Variants in LIPE observed in about 807,000 individuals in gnomAD.
LIPE encodes the protein hormone-sensitive lipase.
A neutral mutation model predicts 88.5 loss-of-function variants in LIPE; 66 were observed. That is an observed-to-expected ratio of 0.75 (90% CI 0.61 to 0.91). The LOEUF is 0.91. LIPE is among the 40% of genes least tolerant of loss of function. The pLI is 0.00. For synonymous variants in LIPE, 570 were observed against 617.5 expected (o/e 0.92, Z 1.14); for missense variants, 1,346 against 1,434.7 (o/e 0.94, Z 1.00).
In LIPE at chr19:42,410,534, G is replaced by T; in HGVS notation, c.1192C>A (p.Arg398Ser). 3.7e-6 allele frequency: 6 copies of T among 1,612,710 alleles called. No homozygotes were observed. Among genetic ancestry groups the T allele is most frequent in the Non-Finnish European group, 5.1e-6 (6 of 1,179,958 alleles). Residue 398 changes from arginine (R) to serine (S), a missense_variant, in exon 2 of 10, where the codon CGC becomes AGC. Coordinates refer to ENST00000244289, the MANE Select transcript of LIPE (RefSeq NM_005357.4). The surrounding 1 kb of genome is among the most constrained non-coding windows in gnomAD (Gnocchi z 6.1). ...CTGGTGCGGAAGAAGATGCTGCGGC[G>T]GTTGGAGGCCACATAGCGGGATTTG... is the stretch of plus-strand genomic sequence containing the variant. ...LHKSRYVASN[R>S]RSIFFRTSHN...
At chr19:42,409,455 C>T (rs1037637315) in intron 2 of LIPE, among the ~76,000 whole-genome samples, 5 of 151,346 alleles carry the variant, frequency 3.3e-5, no homozygotes, top group Non-Finnish European at 7.4e-5. Flanking sequence ...GGAAATGGAG[C>T]CATAGGAGGC....
At chr19:42,409,400 C>CAAAAAAAAAAAAAAAAAAAAA (rs760628566) in intron 2 of LIPE, among the ~76,000 whole-genome samples, 1 of 72,922 alleles carries the variant, frequency 1.4e-5, no homozygotes, top group Non-Finnish European at 2.9e-5. Context: ...AAACAAAATA[C>CAAAAAAAAAAAAAAAAAAAAA]AAAAAAAAAA....
chr19:42,401,634 C>A lies in LIPE; in HGVS notation c.*178G>T. On this transcript the variant is annotated 3_prime_UTR_variant, in exon 10 of 10. Transcript: ENST00000244289. ...GGCAGCGGTGGCGTGCAGGTCCAGCCGTCTCGGTGACCGGTGTGTGTGCGC... is the reference window on the plus strand; with the variant it reads ...GGCAGCGGTGGCGTGCAGGTCCAGCAGTCTCGGTGACCGGTGTGTGTGCGC... 1.8e-6 allele frequency: 1 copy of A among 566,110 alleles called. No individual in the cohort carries two copies. The highest frequency in any genetic ancestry group is 3.0e-6 in the Non-Finnish European group (1 of 334,478). The allele number at this position is 566,110 out of a possible 1,614,324, so 35.1% of individuals were successfully genotyped here.
chr19:42,410,838 T>C lies in LIPE; in HGVS notation c.888A>G (p.Ser296=). ...RNHRHYQDTA[S]RLIHNMDLRT... is the part of the protein sequence containing the mutation. ...GCAGGTCCATGTTGTGGATGAGCCT[T>C]GAGGCTGTGGGCAGGTGGGGAGGCC... is the stretch of plus-strand genomic sequence containing the variant. The change falls in exon 2 of 10, where the codon TCA becomes TCG. Residue 296 remains serine, a synonymous_variant. Coordinates refer to ENST00000244289, the MANE Select transcript of LIPE (RefSeq NM_005357.4). This position sits in a 1 kb window ranked among gnomAD's most constrained non-coding sequence, Gnocchi z 6.1. The C allele has an allele frequency of 6.5e-7, 1 of 1,550,010 alleles. No homozygotes were observed. Among genetic ancestry groups the C allele is most frequent in the East Asian group, 2.3e-5 (1 of 44,154 alleles).
intron 7 of LIPE, 179 bp downstream of exon 7, chr19:42,405,982 A>T (rs564543688): frequency 0.033 from 13,777 of 423,222 alleles, 457 homozygotes; most frequent in African/African-American, 0.19. Context: ...TCTCTCACAC[A>T]CACACACACA....
In LIPE at chr19:42,403,241, ATGTGTGTGTGTGTG is replaced by A. The variant is rs56983822; in HGVS notation, c.2543-224_2543-211del. On this transcript the variant is annotated intron_variant, in intron 8 of 9. Coordinates refer to ENST00000244289, the MANE Select transcript of LIPE (RefSeq NM_005357.4). Reference sequence around the variant, plus strand: ...GTGGGGCAGTGTGTTCTAGTGAAGGATGTGTGTGTGTGTGTGTGTGTGTGTGTGTGTGTGTGTGT... The same window carrying A: ...GTGGGGCAGTGTGTTCTAGTGAAGGATGTGTGTGTGTGTGTGTGTGTGTGT... 3.1e-3 allele frequency among the ~76,000 whole-genome samples: 282 copies of A among 91,994 alleles called. 1 individual carries two copies. The highest frequency in any genetic ancestry group is 0.013 in the East Asian group (37 of 2,750). The allele number at this position is 91,994 out of a possible 152,430, so 60.4% of individuals were successfully genotyped here.
intron 1 of LIPE, chr19:42,425,218 T>C (rs557614170): frequency 6.3e-6 from 1 of 159,476 alleles, no homozygotes; most frequent in East Asian, 1.9e-4. Flanking sequence ...AGGTACCGTC[T>C]TTGTATTGTA....
At chr19:42,420,709 C>G (rs2040581798) in intron 1 of LIPE, among the ~76,000 whole-genome samples, 2 of 152,172 alleles carry the variant, frequency 1.3e-5, no homozygotes, top group Admixed American at 6.6e-5. Context: ...GCATCATTAC[C>G]TGGGTGACTA....
Position 42,420,309 on chromosome 19 carries a change from T to G in LIPE, c.883+5958A>C, listed in dbSNP as rs577732134. On this transcript the variant is annotated intron_variant, in intron 1 of 9. Transcript: ENST00000244289. ...TGTGAGTGTGTCTGGGGTTCACGTG[T>G]ACATATGTACCTCTGCAGGTATGTG... is the stretch of plus-strand genomic sequence containing the variant. Among the ~76,000 whole-genome samples the G allele has an allele frequency of 6.6e-5, 10 of 152,236 alleles. No homozygotes were observed. The East Asian group carries it at 1.7e-3, about 26-fold the overall frequency.
At chr19:42,412,480 C>T (rs1003425005) in intron 1 of LIPE, 11 of 985,734 alleles carry the variant, frequency 1.1e-5, no homozygotes, top group African/African-American at 1.7e-5. Flanking sequence ...AGGGTGTAGC[C>T]GCACAAGCCA....
At chr19:42,424,596 C>T (rs1212844495) in intron 1 of LIPE, 1 of 456,306 alleles carries the variant, frequency 2.2e-6, no homozygotes, top group Non-Finnish European at 4.4e-6. Context: ...CTGAGAAACG[C>T]GTTACTCTCT....
intron 1 of LIPE, among the ~76,000 whole-genome samples, chr19:42,415,398 G>A (rs2040466172): frequency 6.6e-6 from 1 of 152,206 alleles, no homozygotes; most frequent in African/African-American, 2.4e-5. Flanking sequence ...CATGTCCAGT[G>A]CTGAAACGGG....
chr19:42,405,342 C>T (rs1371974517), intron 8 of LIPE, 43 bp downstream of exon 8: 2 of 1,588,820 alleles, frequency 1.3e-6, no homozygotes, highest in Non-Finnish European at 1.7e-6. Flanking sequence ...GCTGTCCCTC[C>T]TGCCCACCCT....
At position 42,414,862 on chromosome 19, in the gene LIPE, C is replaced by T. The variant is rs1264108310; in HGVS notation, c.884-4020G>A. ...AGAGGGCGAACTTTACCGATTAATG[C>T]TGTGTGTGTTCTGACTGCTCCACTG... is the stretch of plus-strand genomic sequence containing the variant. On this transcript the variant is annotated intron_variant, in intron 1 of 9. Transcript: ENST00000244289. The surrounding 1 kb of genome is among the most constrained non-coding windows in gnomAD (Gnocchi z 4.6). Among the ~76,000 whole-genome samples, 1 of 152,196 alleles carries T rather than the reference C, an allele frequency of 6.6e-6. No individual in the cohort carries two copies. Among genetic ancestry groups the T allele is most frequent in the Non-Finnish European group, 1.5e-5 (1 of 68,046 alleles).
intron 1 of LIPE, chr19:42,424,853 T>G (rs1333869052): frequency 2.8e-6 from 1 of 354,620 alleles, no homozygotes; most frequent in South Asian, 2.1e-5. Flanking sequence ...GGGGCTCCTG[T>G]GAAGCAGGCA....
intron 7 of LIPE, 159 bp downstream of exon 7, chr19:42,405,976 TCACACACACACACACACACACACACA>T (rs57282318): frequency 1.7e-5 from 7 of 418,580 alleles, no homozygotes; most frequent in Non-Finnish European, 3.0e-5. Context: ...TCTCTCTCTC[TCACACACACACACACACACACACACA>T]CACACACACA....
In LIPE at chr19:42,427,148, ATTGTTATT is replaced by A; in HGVS notation, c.-7_1del. ...AGACACTGACTTAGAACCTGGCTCC[ATTGTTATT>A]TCCCTCACGGGAGATATTGATCTTC... is the stretch of plus-strand genomic sequence containing the variant. On this transcript the variant is annotated start_lost and start_retained_variant and 5_prime_UTR_variant, in exon 1 of 10. Coordinates refer to ENST00000244289, the MANE Select transcript of LIPE (RefSeq NM_005357.4). 1 of 1,589,150 alleles carries A rather than the reference ATTGTTATT, an allele frequency of 6.3e-7. No individual in the cohort carries two copies. Among genetic ancestry groups the A allele is most frequent in the Non-Finnish European group, 8.5e-7 (1 of 1,171,248 alleles).
Position 42,414,783 on chromosome 19 carries a change from A to G in LIPE, c.884-3941T>C, listed in dbSNP as rs924730547. Among the ~76,000 whole-genome samples, 5 of 152,214 alleles carry G rather than the reference A, an allele frequency of 3.3e-5. No individual in the cohort carries two copies. The highest frequency in any genetic ancestry group is 1.9e-4 in the East Asian group (1 of 5,200). ...TATTTGTTATGATGATCTGTGATCA[A>G]TGATCTCTGGTGTTACTATTGTGAG... On this transcript the variant is annotated intron_variant, in intron 1 of 9. Transcript: ENST00000244289. This position sits in a 1 kb window ranked among gnomAD's most constrained non-coding sequence, Gnocchi z 4.6.
intron 1 of LIPE, chr19:42,423,981 TGG>T (rs1398744160): frequency 2.9e-5 from 34 of 1,166,168 alleles, no homozygotes; most frequent in Non-Finnish European, 3.4e-5. Context: ...AGGGGGAAAG[TGG>T]GGCGCCTCTG....
Sources: gnomAD v4.1 joint callset for allele counts (sites outside exome capture counted in the v4.1 genomes callset) on GRCh38, gnomAD v4.1.1 for gene constraint, Gnocchi (gnomAD v3.1) non-coding constraint, MANE v1.5 for transcripts, NCBI Gene and HGNC (gene_info 2026-07-23, HGNC 2026-07-21) for gene names.